The following KIF22 variants were observed in gnomAD, a reference collection of about 807,000 sequenced individuals.
KIF22 encodes kinesin-like protein KIF22.
Under a neutral mutation model 73.0 loss-of-function variants are expected in KIF22, and 62 were observed. The observed-to-expected ratio is 0.85, with a 90% confidence interval of 0.69 to 1.05. KIF22 has a LOEUF of 1.05. Ranked by LOEUF, KIF22 falls within the 50% of genes least tolerant of loss-of-function variation. The pLI is 0.00. For synonymous variants in KIF22, 411 were observed against 340.1 expected (o/e 1.21, Z -2.29); for missense variants, 854 against 870.1 (o/e 0.98, Z 0.23).
Position 29,799,031 on chromosome 16 carries a change from G to A in KIF22, c.606G>A (p.Arg202=). 3 of 1,614,166 alleles carry A rather than the reference G, an allele frequency of 1.9e-6. No homozygotes were observed. Among genetic ancestry groups the A allele is most frequent in the Admixed American group, 1.7e-5 (1 of 60,026 alleles). The change falls in exon 5 of 14, where the codon CGG becomes CGA. Residue 202 remains arginine, a synonymous_variant. Coordinates refer to ENST00000160827, the MANE Select transcript of KIF22 (RefSeq NM_007317.3). The stretch of plus-strand genomic sequence containing the variant: ...ACCTGGTAATCCGAGAAGACTGCCG[G>A]GGGAATATCCTGATTCCGGGTCTCT... ...SGDLVIREDC[R]GNILIPGLSQ...
rs369297142 is a variant in KIF22 at position 29,804,841 on chromosome 16, G to A, written c.1705G>A (p.Glu569Lys). 5.6e-6 allele frequency: 9 copies of A among 1,612,400 alleles called. No homozygotes were observed. Among genetic ancestry groups the A allele is most frequent in the Admixed American group, 3.3e-5 (2 of 59,824 alleles). The change falls in exon 12 of 14, where the codon GAG becomes AAG. Residue 569 changes from glutamate (E) to lysine (K), a missense_variant. Glu to Lys is a moderately conservative substitution (Grantham distance 56). Around this residue, in one of 3 missense-constraint regions of KIF22, gnomAD observed 423 missense variants for 365.4 expected, o/e 1.16. Transcript: ENST00000160827. The part of the protein sequence containing the change: ...KLESLDALEP[E>K]EKAEDCWELQ... ...GGAGTCCCTGGATGCCCTAGAGCCT[G>A]AGGAGAAGGCTGAGGACTGCTGGGA...
chr16:29,805,215 C>T, intron 13 of KIF22, 41 bp downstream of exon 13: 1 of 1,614,070 alleles, frequency 6.2e-7, no homozygotes. Context: ...TGTCCTGCGC[C>T]CCGCGCCCCT....
Position 29,800,016 on chromosome 16 carries a change from G to A in KIF22, c.1248G>A (p.Met416Ile). Residue 416 changes from methionine to isoleucine, a missense_variant, in exon 8 of 14, where the codon ATG (methionine) becomes ATA (isoleucine). By Grantham distance (10) the Met-to-Ile change is conservative. Around this residue, in one of 3 missense-constraint regions of KIF22, gnomAD observed 423 missense variants for 365.4 expected, o/e 1.16. Coordinates refer to ENST00000160827, the MANE Select transcript of KIF22 (RefSeq NM_007317.3). ...AGGAGATCGGGAGCCCTGAGCCCATGGCAGCTCCAGCCTCTGCCTCCCAGA... is the reference window on the plus strand; with the variant it reads ...AGGAGATCGGGAGCCCTGAGCCCATAGCAGCTCCAGCCTCTGCCTCCCAGA... ...EEEEIGSPEP[M>I]AAPASASQKL... is the part of the protein sequence containing the mutation. 1.2e-6 allele frequency: 2 copies of A among 1,613,450 alleles called. No homozygotes were observed. Among genetic ancestry groups the A allele is most frequent in the Middle Eastern group, 1.7e-4 (1 of 6,060 alleles).
rs778906805 is a variant in KIF22, at chr16:29,790,814, G to T, written c.55G>T (p.Ala19Ser). Reference sequence around the variant, plus strand: ...GCGACGCGAGATGGCGGCAGCTTCAGCGGCGGCGATCTCAGGTACTTGAGC... The same window carrying T: ...GCGACGCGAGATGGCGGCAGCTTCATCGGCGGCGATCTCAGGTACTTGAGC... ...QRRREMAAAS[A>S]AAISGAGRCR... The change falls in exon 1 of 14, where the codon GCG (alanine) becomes TCG (serine). Residue 19 changes from alanine (A) to serine (S), a missense_variant. Physicochemically the swap from Ala to Ser is moderately conservative, Grantham distance 99. Around this residue, in one of 3 missense-constraint regions of KIF22, gnomAD observed 186 missense variants for 152.9 expected, o/e 1.22. Coordinates refer to ENST00000160827, the MANE Select transcript of KIF22 (RefSeq NM_007317.3). The T allele has an allele frequency of 3.7e-6, 6 of 1,602,870 alleles. No homozygotes were observed. The highest frequency in any genetic ancestry group is 5.1e-6 in the Non-Finnish European group (6 of 1,174,878).
intron 1 of KIF22, among the ~76,000 whole-genome samples, chr16:29,796,182 G>T (rs1326204132): frequency 2.7e-5 from 4 of 150,010 alleles, no homozygotes; most frequent in Non-Finnish European, 4.4e-5. Flanking sequence ...GAGGTGGGAG[G>T]ATCGCTTGAA....
chr16:29,797,128 TC>T lies in KIF22; in HGVS notation c.266+43del, dbSNP rs1898973888. The T allele has an allele frequency of 6.8e-7, 1 of 1,468,332 alleles. No individual in the cohort carries two copies. The highest frequency in any genetic ancestry group is 1.4e-5 in the African/African-American group (1 of 70,594). 91.0% of individuals were successfully genotyped at this position (1,468,332 alleles called of 1,614,324 possible). A position where few individuals can be genotyped will look rare whatever the true frequency, so the allele number is the denominator to read the frequency against. ...ACTCCTCTTCCCTCATGCCATCACC[TC>T]CCTCTCCTAGGCCTGCCCACGTTCC... On this transcript the variant is annotated intron_variant, in intron 2 of 13. Coordinates refer to ENST00000160827, the MANE Select transcript of KIF22 (RefSeq NM_007317.3). This position sits in a 1 kb window ranked among gnomAD's most constrained non-coding sequence, Gnocchi z 4.1.
At chr16:29,796,863 C>A in intron 1 of KIF22, 30 bp from the exon 2 acceptor site, 1 of 1,609,946 alleles carries the variant, frequency 6.2e-7, no homozygotes, top group Non-Finnish European at 8.5e-7. Flanking sequence ...CACCATACTT[C>A]ATGTCTAAAA....
Position 29,798,822 on chromosome 16 carries a change from G to A in KIF22, c.549+75G>A. ...ACCTGGTTCTAGAACATGAAGCTCTGCTGTAGCAGGGAGGTAAGGTGAGAC... is the reference window on the plus strand; with the variant it reads ...ACCTGGTTCTAGAACATGAAGCTCTACTGTAGCAGGGAGGTAAGGTGAGAC... On this transcript the variant is annotated intron_variant, in intron 4 of 13. Coordinates refer to ENST00000160827, the MANE Select transcript of KIF22 (RefSeq NM_007317.3). This position sits in a 1 kb window ranked among gnomAD's most constrained non-coding sequence, Gnocchi z 4.1. 6.3e-7 allele frequency: 1 copy of A among 1,575,682 alleles called. No homozygotes were observed. Among genetic ancestry groups the A allele is most frequent in the Non-Finnish European group, 8.6e-7 (1 of 1,157,458 alleles).
chr16:29,795,401 C>A (rs1032416329), intron 1 of KIF22, among the ~76,000 whole-genome samples: 1 of 152,180 alleles, frequency 6.6e-6, no homozygotes, highest in Non-Finnish European at 1.5e-5. Flanking sequence ...ATCTGTCTGC[C>A]TTTTCGTCTT....
rs755847991 is a variant in KIF22, at chr16:29,804,887, T to A, written c.1751T>A (p.Leu584Gln). Reference protein sequence around the residue: ...DCWELQISPELLAHGRQKILD... With the variant: ...DCWELQISPEQLAHGRQKILD... ...TGGGAGCTACAGATCAGCCCGGAGC[T>A]ACTGGCTCATGGGCGCCAAAAAATA... Residue 584 changes from leucine to glutamine, a missense_variant, in exon 12 of 14, where the codon CTA becomes CAA. By Grantham distance (113) the Leu-to-Gln change is moderately radical (BLOSUM62 -2). Around this residue, in one of 3 missense-constraint regions of KIF22, gnomAD observed 423 missense variants for 365.4 expected, o/e 1.16. Transcript: ENST00000160827. The A allele has an allele frequency of 2.7e-5, 43 of 1,613,860 alleles. No homozygotes were observed. The highest frequency in any genetic ancestry group is 3.5e-5 in the Non-Finnish European group (41 of 1,180,008).
At position 29,796,905 on chromosome 16, in the gene KIF22, G is replaced by A. The variant is rs1898966342; in HGVS notation, c.83G>A (p.Cys28Tyr). 5.0e-6 allele frequency: 8 copies of A among 1,613,932 alleles called. No homozygotes were observed. Among genetic ancestry groups the A allele is most frequent in the Non-Finnish European group, 6.8e-6 (8 of 1,179,994 alleles). ...SAAAISGAGRCRLSKIGATRR... is the reference protein window; with the variant it reads ...SAAAISGAGRYRLSKIGATRR... ...TTCTCTCCTCCAGGAGCTGGTCGCTGTCGGCTAAGCAAGATTGGAGCTACT... is the reference window on the plus strand; with the variant it reads ...TTCTCTCCTCCAGGAGCTGGTCGCTATCGGCTAAGCAAGATTGGAGCTACT... The change falls in exon 2 of 14, where the codon TGT (cysteine) becomes TAT (tyrosine). Residue 28 changes from cysteine to tyrosine, a missense_variant. Physicochemically the swap from Cys to Tyr is radical, Grantham distance 194. Transcript: ENST00000160827.
At chr16:29,793,161 G>A (rs1898860621) in intron 1 of KIF22, among the ~76,000 whole-genome samples, 3 of 152,296 alleles carry the variant, frequency 2.0e-5, no homozygotes, top group Middle Eastern at 3.4e-3. Flanking sequence ...AGTTTAAGAG[G>A]AGCCGTCGGC....
intron 1 of KIF22, among the ~76,000 whole-genome samples, chr16:29,795,711 CTTT>C (rs1227908789): frequency 1.3e-5 from 2 of 152,130 alleles, no homozygotes; most frequent in East Asian, 3.9e-4. Context: ...GAGGGCTTTT[CTTT>C]TTTTAAGTTT....
At chr16:29,795,738 T>C (rs1898933177) in intron 1 of KIF22, among the ~76,000 whole-genome samples, 1 of 152,132 alleles carries the variant, frequency 6.6e-6, no homozygotes, top group Non-Finnish European at 1.5e-5. Context: ...CTTCATTGTG[T>C]TTTCTGATGA....
chr16:29,803,684 C>T (rs1899226899), intron 10 of KIF22, 76 bp downstream of exon 10: 3 of 1,218,194 alleles, frequency 2.5e-6, no homozygotes, highest in African/African-American at 1.5e-5. Context: ...GAGCAGCTGT[C>T]TCCATGTCAT....
intron 1 of KIF22, 147 bp downstream of exon 1, chr16:29,790,976 G>T (rs577053566): frequency 6.8e-7 from 1 of 1,475,010 alleles, no homozygotes; most frequent in Non-Finnish European, 9.0e-7. Context: ...TGAGAGTGTG[G>T]GGTCGCGAGC....
At chr16:29,799,220 C>T in intron 5 of KIF22, 36 bp downstream of exon 5, 1 of 1,610,820 alleles carries the variant, frequency 6.2e-7, no homozygotes. Context: ...CCTGGGAAGC[C>T]CAGGAGCCTG....
At chr16:29,792,540 C>T (rs1898845697) in intron 1 of KIF22, 1 of 307,168 alleles carries the variant, frequency 3.3e-6, no homozygotes, top group Non-Finnish European at 4.8e-6. Flanking sequence ...CTTGTTCTCA[C>T]AGTTGGCAGT....
In KIF22 at chr16:29,802,827, G is replaced by A. The variant is rs141728416; in HGVS notation, c.1339G>A (p.Asp447Asn). 1.9e-4 allele frequency: 299 copies of A among 1,611,166 alleles called. 1 individual carries two copies. The African/African-American group carries it at 3.3e-3, about 18-fold the overall frequency. Residue 447 changes from aspartate (D) to asparagine (N), a missense_variant, in exon 9 of 14, where the codon GAC becomes AAC. Physicochemically the swap from Asp to Asn is conservative, Grantham distance 23. Transcript: ENST00000160827. ...CATGCTGGAGCGCCTCCTCAGCTTG[G>A]ACCGTCTGCTTGCCTCCCAGGGGAG... is the stretch of plus-strand genomic sequence containing the variant. ...PAMLERLLSLDRLLASQGSQG... is the reference protein window; with the variant it reads ...PAMLERLLSLNRLLASQGSQG...
Sources: allele counts gnomAD v4.1 joint callset (sites outside exome capture counted in the v4.1 genomes callset), GRCh38; gene constraint gnomAD v4.1.1; regional missense constraint gnomAD v4.1.1; non-coding constraint Gnocchi (gnomAD v3.1); transcripts MANE v1.5; gene names NCBI Gene and HGNC (gene_info 2026-07-23, HGNC 2026-07-21).